Variants in HEPN1 observed in about 807,000 individuals in gnomAD.
HEPN1 encodes the protein protein HEPN1.
For missense variants in HEPN1, 97 were observed against 103.3 expected (o/e 0.94, Z 0.26); for synonymous variants, 46 against 41.2 (o/e 1.12, Z -0.45).
chr11:124,919,952 AGGCGGTGGCATGGGCATGTCCT>A, the HEPN1 span: 1 of 1,613,832 alleles, frequency 6.2e-7, no homozygotes, highest in Non-Finnish European at 8.5e-7. Context: ...ACTGTTCAAT[AGGCGGTGGCATGGGCATGTCCT>A]GGCTACACAG....
exon 1 of HEPN1, chr11:124,919,409 C>G: frequency 3.6e-6 from 1 of 276,302 alleles, no homozygotes; most frequent in Admixed American, 4.9e-5. Context: ...GCCTGGCAAG[C>G]TGGCCCCTCA....
At chr11:124,919,658 G>A (rs1947096510) in exon 1 of HEPN1, 12 of 1,423,696 alleles carry the variant, frequency 8.4e-6, no homozygotes, top group Non-Finnish European at 1.2e-5. Flanking sequence ...AGGGAGCTGA[G>A]ACAGGCATGC....
exon 1 of HEPN1, chr11:124,919,457 C>T (rs1482821597): frequency 1.8e-5 from 8 of 433,332 alleles, no homozygotes; most frequent in Non-Finnish European, 3.3e-5. Flanking sequence ...TCTCATCTCA[C>T]CCTAACCTTC....
At chr11:124,920,266 A>T in exon 1 of HEPN1, 1 of 959,778 alleles carries the variant, frequency 1.0e-6, no homozygotes, top group Non-Finnish European at 1.5e-6. Flanking sequence ...GGAATATATG[A>T]GTTTGATGAG....
At chr11:124,919,957 G>A (rs1366758845) in exon 1 of HEPN1, 9 of 1,613,828 alleles carry the variant, frequency 5.6e-6, no homozygotes, top group Non-Finnish European at 7.6e-6. Flanking sequence ...TCAATAGGCG[G>A]TGGCATGGGC....
exon 1 of HEPN1, chr11:124,920,470 G>T (rs961666708): frequency 6.5e-7 from 1 of 1,539,064 alleles, no homozygotes; most frequent in South Asian, 1.2e-5. Context: ...CCTTGCTAGC[G>T]CCCAGGTCAG....
exon 1 of HEPN1, chr11:124,920,665 T>G: frequency 3.7e-5 from 8 of 213,464 alleles, no homozygotes; most frequent in Non-Finnish European, 4.8e-5. Flanking sequence ...GTGGCCTCTC[T>G]AATCTGAACT....
exon 1 of HEPN1, chr11:124,920,274 G>T (rs1947109052): frequency 2.0e-6 from 2 of 998,592 alleles, no homozygotes; most frequent in Non-Finnish European, 2.9e-6. Flanking sequence ...TGAGTTTGAT[G>T]AGCTAAAACA....
chr11:124,920,499 C>T lies in HEPN1; in HGVS notation c.*482C>T, dbSNP rs1344042572. On this transcript the variant is annotated 3_prime_UTR_variant, in exon 1 of 1. Transcript: ENST00000408930. ...AGGTCAGAGGGAAAAGGAATGTACTCGTACCCTTCCCTCACCACCTTGTAG... is the reference window on the plus strand; with the variant it reads ...AGGTCAGAGGGAAAAGGAATGTACTTGTACCCTTCCCTCACCACCTTGTAG... The T allele has an allele frequency of 3.3e-6, 5 of 1,496,246 alleles. No individual in the cohort carries two copies. The South Asian group carries it at 6.2e-5, about 19-fold the overall frequency. 92.7% of individuals were successfully genotyped at this position (1,496,246 alleles called of 1,614,324 possible).
rs751234951 is a variant in HEPN1 at position 124,920,033 on chromosome 11, T to C, written c.*16T>C. On this transcript the variant is annotated 3_prime_UTR_variant, in exon 1 of 1. Coordinates refer to ENST00000408930, the Ensembl canonical transcript of HEPN1. ...GTTAGTGTGATTAGGGAGTCTGCCC[T>C]TTTTCTGTGCCCTGGGACCTGAGCA... 2.5e-6 allele frequency: 4 copies of C among 1,606,162 alleles called. No individual in the cohort carries two copies. In the South Asian group the frequency reaches 4.4e-5, roughly 18 times the overall value.
chr11:124,920,503 C>A, exon 1 of HEPN1: 1 of 1,488,694 alleles, frequency 6.7e-7, no homozygotes, highest in South Asian at 1.2e-5. Flanking sequence ...TGTACTCGTA[C>A]CCTTCCCTCA....
At chr11:124,919,645 G>C in exon 1 of HEPN1, 1 of 1,322,856 alleles carries the variant, frequency 7.6e-7, no homozygotes, top group Non-Finnish European at 1.0e-6. Flanking sequence ...AGTGCCGAGG[G>C]ACAGGGAGCT....
rs925809764 is a variant in HEPN1 at position 124,920,565 on chromosome 11, A to G, written c.*548A>G. The G allele has an allele frequency of 2.3e-6, 3 of 1,330,592 alleles. No homozygotes were observed. In the African/African-American group the frequency reaches 4.5e-5, roughly 20 times the overall value. 82.4% of individuals were successfully genotyped at this position (1,330,592 alleles called of 1,614,324 possible). A position where few individuals can be genotyped will look rare whatever the true frequency, so the allele number is the denominator to read the frequency against. On this transcript the variant is annotated 3_prime_UTR_variant, in exon 1 of 1. Coordinates refer to ENST00000408930, the Ensembl canonical transcript of HEPN1. ...GTGCCCAGGGAAGAAGGCCTTCACA[A>G]TGATCCCCCCAGCTCAGAACAGCCC... is the stretch of plus-strand genomic sequence containing the variant.
In HEPN1 at chr11:124,920,603, T is replaced by C. The variant is rs1947115979; in HGVS notation, c.*586T>C. On this transcript the variant is annotated 3_prime_UTR_variant, in exon 1 of 1. Transcript: ENST00000408930. ...CTCAGAACAGCCCCTGCACACCCAGTAACCGGCATCTGGCTTCTCCTTAGC... is the reference window on the plus strand; with the variant it reads ...CTCAGAACAGCCCCTGCACACCCAGCAACCGGCATCTGGCTTCTCCTTAGC... The C allele has an allele frequency of 1.3e-5, 14 of 1,082,594 alleles. No homozygotes were observed. The South Asian group carries it at 4.1e-4, about 32-fold the overall frequency. The allele number at this position is 1,082,594 out of a possible 1,614,324, so 67.1% of individuals were successfully genotyped here. A position where few individuals can be genotyped will look rare whatever the true frequency, so the allele number is the denominator to read the frequency against.
exon 1 of HEPN1, chr11:124,920,676 T>C: frequency 1.5e-5 from 2 of 134,392 alleles, no homozygotes; most frequent in Non-Finnish European, 1.8e-5. Flanking sequence ...AATCTGAACT[T>C]GCAAAAAAAA....
At chr11:124,919,716 G>A (rs1947097228) in exon 1 of HEPN1, 5 of 1,607,490 alleles carry the variant, frequency 3.1e-6, no homozygotes, top group African/African-American at 1.3e-5. Flanking sequence ...CAGTGCCTTT[G>A]GGGCTGAGAC....
chr11:124,920,516 A>T (rs1340237367), exon 1 of HEPN1: 27 of 1,454,238 alleles, frequency 1.9e-5, no homozygotes, highest in Non-Finnish European at 2.4e-5. Flanking sequence ...TTCCCTCACC[A>T]CCTTGTAGGT....
chr11:124,919,621 A>G (rs1326712111), exon 1 of HEPN1: 1 of 1,073,526 alleles, frequency 9.3e-7, no homozygotes, highest in East Asian at 2.4e-5. Flanking sequence ...CACCTGCTCA[A>G]ATGAGCCTGG....
Position 124,919,987 on chromosome 11 carries a change from G to A in HEPN1, c.237G>A (p.Arg79=), listed in dbSNP as rs747279939. ...ATGGGCATGTCCTGGCTACACAGCG[G>A]CCCAGCCTCTTTATTTTGATGTTAG... The change falls in exon 1 of 1, where the codon CGG becomes CGA. Residue 79 remains arginine, a synonymous_variant. Coordinates refer to ENST00000408930, the Ensembl canonical transcript of HEPN1. The A allele has an allele frequency of 1.6e-5, 26 of 1,613,230 alleles. No homozygotes were observed. The African/African-American group carries it at 3.5e-4, about 22-fold the overall frequency.
Sources: gnomAD v4.1 joint callset for allele counts on GRCh38, gnomAD v4.1.1 for gene constraint, MANE v1.5 for transcripts, NCBI Gene and HGNC (gene_info 2026-07-23, HGNC 2026-07-21) for gene names.